Variants in FGGY observed in about 807,000 individuals in gnomAD.
FGGY encodes FGGY carbohydrate kinase domain-containing protein.
A neutral mutation model predicts 71.3 loss-of-function variants in FGGY; 72 were observed. The observed-to-expected ratio is 1.01, with a 90% confidence interval of 0.84 to 1.23. The LOEUF (loss-of-function observed/expected upper bound fraction) is 1.23, where lower values mean the gene tolerates loss of function less well. FGGY is among the 50% of genes most tolerant of loss of function. The pLI is 0.00. For missense variants in FGGY, 668 were observed against 682.3 expected, an observed-to-expected ratio of 0.98 and a Z score of 0.23; for synonymous variants, 251 against 250.3, an observed-to-expected ratio of 1.00 and a Z score of -0.02.
chr1:59,399,073 G>T (rs574203190), intron 5 of FGGY, among the ~76,000 whole-genome samples: 2 of 152,014 alleles, frequency 1.3e-5, no homozygotes, highest in Non-Finnish European at 2.9e-5. Flanking sequence ...TTTACAATTG[G>T]GCCTCTTTGT....
intron 5 of FGGY, among the ~76,000 whole-genome samples, chr1:59,451,895 A>G (rs536200804): frequency 2.6e-5 from 4 of 152,158 alleles, no homozygotes; most frequent in African/African-American, 9.6e-5. Flanking sequence ...TAAGTAACCT[A>G]TTCTTTCTGT....
At chr1:59,736,946 G>T (rs1031468535) in intron 14 of FGGY, among the ~76,000 whole-genome samples, 2 of 152,208 alleles carry the variant, frequency 1.3e-5, no homozygotes, top group Non-Finnish European at 2.9e-5. Flanking sequence ...AAGTGGTTTT[G>T]TAGGCAGGGC....
chr1:59,585,576 A>G (rs1488467250), intron 8 of FGGY, among the ~76,000 whole-genome samples: 1 of 152,204 alleles, frequency 6.6e-6, no homozygotes, highest in Non-Finnish European at 1.5e-5. Context: ...CCTAGAAGAA[A>G]ACCTAGGCAT....
At chr1:59,516,848 G>T (rs1482904420) in intron 7 of FGGY, among the ~76,000 whole-genome samples, 1 of 152,164 alleles carries the variant, frequency 6.6e-6, no homozygotes, top group Non-Finnish European at 1.5e-5. Context: ...AGTATGAGGG[G>T]TCAGCACTCT....
At chr1:59,342,177 C>G (rs549520001) in intron 3 of FGGY, among the ~76,000 whole-genome samples, 1 of 152,176 alleles carries the variant, frequency 6.6e-6, no homozygotes, top group Non-Finnish European at 1.5e-5. Context: ...TAAAAATTGC[C>G]AATTCATGAG....
chr1:59,485,790 C>T (rs1399657273), intron 6 of FGGY, among the ~76,000 whole-genome samples: 1 of 152,110 alleles, frequency 6.6e-6, no homozygotes, highest in Non-Finnish European at 1.5e-5. Context: ...ATAACTCATT[C>T]AACAGTCTTT....
intron 14 of FGGY, among the ~76,000 whole-genome samples, chr1:59,695,909 T>A (rs540387376): frequency 1.9e-4 from 29 of 152,304 alleles, no homozygotes; most frequent in African/African-American, 5.5e-4. Flanking sequence ...GGTTTTTTTT[T>A]TATATATTAC....
intron 14 of FGGY, among the ~76,000 whole-genome samples, chr1:59,734,010 G>A (rs1241301951): frequency 6.6e-6 from 1 of 152,162 alleles, no homozygotes; most frequent in Non-Finnish European, 1.5e-5. Flanking sequence ...GCTTCCCAGG[G>A]CCCTTGGAAA....
intron 5 of FGGY, among the ~76,000 whole-genome samples, chr1:59,454,294 C>G (rs2091471553): frequency 6.6e-6 from 1 of 152,180 alleles, no homozygotes; most frequent in Non-Finnish European, 1.5e-5. Flanking sequence ...TAATATTACT[C>G]TTGCCAGGGA....
chr1:59,454,827 C>G (rs1314366338), intron 5 of FGGY, among the ~76,000 whole-genome samples: 1 of 152,128 alleles, frequency 6.6e-6, no homozygotes, highest in Non-Finnish European at 1.5e-5. Flanking sequence ...TTTTGCATAC[C>G]ACTGGTTTCC....
At chr1:59,433,720 G>T (rs1024417130) in intron 5 of FGGY, among the ~76,000 whole-genome samples, 4 of 152,146 alleles carry the variant, frequency 2.6e-5, no homozygotes, top group African/African-American at 7.2e-5. Context: ...TGAGAACTCT[G>T]TTGGAAACTC....
chr1:59,415,519 A>C (rs555274263), intron 5 of FGGY, among the ~76,000 whole-genome samples: 87 of 152,296 alleles, frequency 5.7e-4, no homozygotes, highest in Non-Finnish European at 4.4e-5. Context: ...TGACTTGACT[A>C]TGGACAGACT....
chr1:59,468,716 C>CA (rs752944725), intron 6 of FGGY, among the ~76,000 whole-genome samples: 1 of 151,666 alleles, frequency 6.6e-6, no homozygotes, highest in Non-Finnish European at 1.5e-5. Flanking sequence ...ATTAAAAATA[C>CA]AAAAAATCAG....
chr1:59,405,259 C>A (rs2062566474), intron 5 of FGGY, among the ~76,000 whole-genome samples: 1 of 152,146 alleles, frequency 6.6e-6, no homozygotes, highest in African/African-American at 2.4e-5. Flanking sequence ...TTAAAAGTTG[C>A]TTGTTAATGG....
rs139462714 is a variant in FGGY at position 59,482,527 on chromosome 1, C to T, written c.670+25451C>T. Among the ~76,000 whole-genome samples the T allele has an allele frequency of 2.7e-4, 41 of 151,444 alleles. 2 individuals are homozygous for T. Among genetic ancestry groups the T allele is most frequent in the African/African-American group, 9.5e-4 (39 of 41,240 alleles). ...TAAGAATCTTGACTATTATTTCCCA[C>T]AGAGAATTACAGATTTATATATGTG... On this transcript the variant is annotated intron_variant, in intron 6 of 15. Coordinates refer to ENST00000303721, the MANE Select transcript of FGGY (RefSeq NM_018291.5).
chr1:59,663,923 A>C (rs980801325), intron 12 of FGGY, among the ~76,000 whole-genome samples: 8 of 152,178 alleles, frequency 5.3e-5, no homozygotes, highest in African/African-American at 1.2e-4. Flanking sequence ...ATTTCTCTCT[A>C]TATATAGTCA....
At chr1:59,379,661 C>T (rs1375529208) in intron 5 of FGGY, among the ~76,000 whole-genome samples, 1 of 152,054 alleles carries the variant, frequency 6.6e-6, no homozygotes, top group Admixed American at 6.6e-5. Context: ...AATAATTATC[C>T]TTTGCTTACT....
At chr1:59,639,473 G>T (rs1291332691) in intron 11 of FGGY, among the ~76,000 whole-genome samples, 1 of 152,132 alleles carries the variant, frequency 6.6e-6, no homozygotes, top group Non-Finnish European at 1.5e-5. Flanking sequence ...CATGAGCTTG[G>T]TGTCCTTTTT....
intron 9 of FGGY, among the ~76,000 whole-genome samples, chr1:59,608,944 A>G (rs1288234784): frequency 6.6e-6 from 1 of 152,212 alleles, no homozygotes; most frequent in African/African-American, 2.4e-5. Flanking sequence ...AGGCTGTCCA[A>G]TAGGGGAGAG....
Sources: gnomAD v4.1 joint callset for allele counts (sites outside exome capture counted in the v4.1 genomes callset) on GRCh38, gnomAD v4.1.1 for gene constraint, MANE v1.5 for transcripts, NCBI Gene and HGNC (gene_info 2026-07-23, HGNC 2026-07-21) for gene names.